The following PRLR variants were observed in gnomAD, a reference collection of about 807,000 sequenced individuals.
The protein encoded by PRLR is hPRL receptor.
In PRLR, 13 loss-of-function variants were observed where a neutral mutation model predicts 40.2. The observed-to-expected ratio is 0.32, with a 90% CI of 0.21 to 0.51. PRLR has a LOEUF of 0.51. PRLR is among the 20% of genes least tolerant of loss of function. The pLI, the probability that PRLR is intolerant of heterozygous loss-of-function variation, is 0.97. For missense variants in PRLR, 656 were observed against 747.3 expected (o/e 0.88, Z 1.42); for synonymous variants, 269 against 278.7 (o/e 0.97, Z 0.35).
rs535877722 is a variant in PRLR, at chr5:35,173,817, GTTTCT to G, written c.-105-55700_-105-55696del. 8.5e-4 allele frequency among the ~76,000 whole-genome samples: 129 copies of G among 151,970 alleles called. 1 individual carries two copies. In the South Asian group the frequency reaches 0.025, roughly 29 times the overall value. On this transcript the variant is annotated intron_variant, in intron 1 of 9. Transcript: ENST00000618457. ...TAAAGGGTAGTTTTTTTTTGTTGTTGTTTCTTTTCTTTTCTTTTTACTTTTTTTAT... is the reference window on the plus strand; with the variant it reads ...TAAAGGGTAGTTTTTTTTTGTTGTTGTTTCTTTTCTTTTTACTTTTTTTAT...
At chr5:35,169,583 T>G (rs538749966) in intron 1 of PRLR, among the ~76,000 whole-genome samples, 98 of 152,378 alleles carry the variant, frequency 6.4e-4, no homozygotes, top group African/African-American at 2.2e-3. Flanking sequence ...CAACAGTTTG[T>G]GTTGTTTGAC....
intron 1 of PRLR, among the ~76,000 whole-genome samples, chr5:35,124,013 T>G (rs1262240269): frequency 6.6e-6 from 1 of 152,122 alleles, no homozygotes; most frequent in Non-Finnish European, 1.5e-5. Flanking sequence ...ATATAGATGA[T>G]ATAGAAGACA....
chr5:35,099,064 T>G (rs1365920351), intron 2 of PRLR, among the ~76,000 whole-genome samples: 1 of 152,222 alleles, frequency 6.6e-6, no homozygotes, highest in African/African-American at 2.4e-5. Context: ...CTCAGAACCT[T>G]GGAATACATT....
At chr5:35,138,535 G>A (rs976290448) in intron 1 of PRLR, among the ~76,000 whole-genome samples, 5 of 152,146 alleles carry the variant, frequency 3.3e-5, no homozygotes, top group African/African-American at 1.2e-4. Context: ...TGCACATTTT[G>A]GTTTCATTAG....
chr5:35,177,156 C>T (rs978548361), intron 1 of PRLR, among the ~76,000 whole-genome samples: 11 of 151,960 alleles, frequency 7.2e-5, no homozygotes, highest in Non-Finnish European at 1.0e-4. Context: ...TCCCCCTCTT[C>T]GAGAAACACC....
At chr5:35,100,885 G>C (rs1771835411) in intron 2 of PRLR, among the ~76,000 whole-genome samples, 1 of 152,158 alleles carries the variant, frequency 6.6e-6, no homozygotes, top group Non-Finnish European at 1.5e-5. Context: ...AGTTCATGCT[G>C]ACCACCAGCA....
At chr5:35,205,059 T>C (rs947109752) in intron 1 of PRLR, among the ~76,000 whole-genome samples, 10 of 152,172 alleles carry the variant, frequency 6.6e-5, no homozygotes, top group Non-Finnish European at 1.5e-4. Context: ...AATTTCTGTA[T>C]GTGTGTAAAA....
chr5:35,199,964 G>A (rs764666129), intron 1 of PRLR, among the ~76,000 whole-genome samples: 2 of 152,196 alleles, frequency 1.3e-5, no homozygotes, highest in Non-Finnish European at 2.9e-5. Flanking sequence ...CCCCTCCAAA[G>A]TGTGGGTGTG....
chr5:35,100,253 G>T (rs1390793462), intron 2 of PRLR, among the ~76,000 whole-genome samples: 4 of 151,216 alleles, frequency 2.6e-5, no homozygotes, highest in Non-Finnish European at 4.4e-5. Flanking sequence ...GCAAGCTAAG[G>T]TTAATTTATT....
At chr5:35,100,183 C>CAAAAAAAA (rs35912961) in intron 2 of PRLR, among the ~76,000 whole-genome samples, 1 of 65,052 alleles carries the variant, frequency 1.5e-5, no homozygotes, top group Admixed American at 1.8e-4. Context: ...GACTCTGTCT[C>CAAAAAAAA]AAAAAAAAAA....
At chr5:35,211,400 T>C (rs1367695201) in intron 1 of PRLR, among the ~76,000 whole-genome samples, 1 of 152,170 alleles carries the variant, frequency 6.6e-6, no homozygotes, top group Non-Finnish European at 1.5e-5. Context: ...GAGACAGTGA[T>C]GGAGGCATAA....
At position 35,063,751 on chromosome 5, in the gene PRLR, G is replaced by A. The variant is rs564629384; in HGVS notation, c.*1338C>T. 6.6e-6 allele frequency: 1 copy of A among 152,228 alleles called. No individual in the cohort carries two copies. The highest frequency in any genetic ancestry group is 2.4e-5 in the African/African-American group (1 of 41,542). 9.4% of individuals were successfully genotyped at this position (152,228 alleles called of 1,614,324 possible). On this transcript the variant is annotated 3_prime_UTR_variant, in exon 10 of 10. Coordinates refer to ENST00000618457, the MANE Select transcript of PRLR (RefSeq NM_000949.7). ...AAGCAAAACCTCTCTCTTTTAAACA[G>A]CTGTTAGAAATCGTCGCCCTCCCTT...
At chr5:35,205,363 C>T (rs959644043) in intron 1 of PRLR, among the ~76,000 whole-genome samples, 1 of 152,086 alleles carries the variant, frequency 6.6e-6, no homozygotes, top group Non-Finnish European at 1.5e-5. Flanking sequence ...CTAACATTAC[C>T]CATGTCACTG....
rs1040013202 is a variant in PRLR, at chr5:35,049,874, A to T, written c.1010-466T>A. Among the ~76,000 whole-genome samples, 7 of 151,604 alleles carry T rather than the reference A, an allele frequency of 4.6e-5. No individual in the cohort carries two copies. The East Asian group carries it at 1.4e-3, about 29-fold the overall frequency. ...TAAGATGACATCAATTTATAATTCA[A>T]CTAAACTAACATTGCACGAAACTAC... On this transcript the variant is annotated intron_variant, in intron 8 of 8. Transcript: ENST00000231423.
At chr5:35,099,417 G>A (rs888836039) in intron 2 of PRLR, among the ~76,000 whole-genome samples, 31 of 152,296 alleles carry the variant, frequency 2.0e-4, no homozygotes, top group African/African-American at 7.0e-4. Flanking sequence ...ACTGCTAGTC[G>A]TATAAAAGTA....
chr5:35,116,480 T>C (rs1773030334), intron 2 of PRLR, among the ~76,000 whole-genome samples: 2 of 152,326 alleles, frequency 1.3e-5, no homozygotes, highest in Admixed American at 1.3e-4. Flanking sequence ...CACACACAAA[T>C]ACAAAGTAGC....
At chr5:35,104,581 CCT>C (rs1247420497) in intron 2 of PRLR, among the ~76,000 whole-genome samples, 1 of 152,138 alleles carries the variant, frequency 6.6e-6, no homozygotes, top group East Asian at 1.9e-4. Flanking sequence ...ATATCCTGCC[CCT>C]GACTCGGAGG....
At chr5:35,132,332 T>C (rs1773716585) in intron 1 of PRLR, among the ~76,000 whole-genome samples, 2 of 152,168 alleles carry the variant, frequency 1.3e-5, no homozygotes, top group South Asian at 4.1e-4. Context: ...CTGACCCCTC[T>C]TTCTAGAACA....
chr5:35,210,039 T>C (rs552348956), intron 1 of PRLR, among the ~76,000 whole-genome samples: 1 of 152,308 alleles, frequency 6.6e-6, no homozygotes, highest in African/African-American at 2.4e-5. Context: ...TCTTCTCATG[T>C]TTTATTCAGC....
Sources: gnomAD v4.1 joint callset for allele counts (sites outside exome capture counted in the v4.1 genomes callset) on GRCh38, gnomAD v4.1.1 for gene constraint, MANE v1.5 for transcripts, NCBI Gene and HGNC (gene_info 2026-07-23, HGNC 2026-07-21) for gene names.